SGCD: variants seen among roughly 807,000 people sequenced by gnomAD.
The protein encoded by SGCD is delta-sarcoglycan.
A neutral mutation model predicts 36.6 loss-of-function variants in SGCD; 18 were observed. That is an observed-to-expected ratio of 0.49 (90% CI 0.34 to 0.73). SGCD has a LOEUF of 0.73. SGCD is among the 30% of genes least tolerant of loss of function. SGCD has a pLI of 0.01. For missense variants in SGCD, 387 were observed against 346.7 expected, an observed-to-expected ratio of 1.12 and a Z score of -0.92; for synonymous variants, 133 against 130.6, an observed-to-expected ratio of 1.02 and a Z score of -0.12.
intron 1 of SGCD, among the ~76,000 whole-genome samples, chr5:156,102,905 A>T (rs116170697): frequency 6.6e-6 from 1 of 152,326 alleles, no homozygotes; most frequent in African/African-American, 2.4e-5. Context: ...ATTGACATAC[A>T]TATTTTTTCT....
At chr5:156,538,467 A>G (rs1758211666) in intron 4 of SGCD, among the ~76,000 whole-genome samples, 1 of 152,098 alleles carries the variant, frequency 6.6e-6, no homozygotes, top group African/African-American at 2.4e-5. Context: ...TGCAGCCATC[A>G]CAACCCCATT....
chr5:155,730,233 C>T, the SGCD span, among the ~76,000 whole-genome samples: 1 of 152,144 alleles, frequency 6.6e-6, no homozygotes, highest in Admixed American at 6.5e-5. Flanking sequence ...TTCAGGTGTG[C>T]CAAGTGCAAA....
the SGCD span, among the ~76,000 whole-genome samples, chr5:155,813,161 G>A: frequency 2.6e-5 from 4 of 152,016 alleles, no homozygotes; most frequent in South Asian, 8.3e-4. Flanking sequence ...GATGCGAGAG[G>A]AGGTTAGACA....
intron 3 of SGCD, among the ~76,000 whole-genome samples, chr5:156,241,318 C>CAGTTGAA (rs1257430405): frequency 6.7e-6 from 1 of 149,746 alleles, no homozygotes; most frequent in East Asian, 2.0e-4. Context: ...TAGTTAGAAC[C>CAGTTGAA]AGTTGAAAGT....
chr5:156,185,542 C>A (rs1053003212), intron 3 of SGCD, among the ~76,000 whole-genome samples: 1 of 151,694 alleles, frequency 6.6e-6, no homozygotes, highest in Non-Finnish European at 1.5e-5. Flanking sequence ...CCTCTGTATC[C>A]CCCTCCTTTT....
intron 7 of SGCD, among the ~76,000 whole-genome samples, chr5:156,684,655 C>T (rs942174146): frequency 3.3e-5 from 5 of 152,204 alleles, no homozygotes; most frequent in African/African-American, 1.2e-4. Context: ...ATTGTATTTC[C>T]ATGCTGAGTT....
At position 156,724,566 on chromosome 5, in the gene SGCD, C is replaced by G. The variant is rs376186638; in HGVS notation, c.576-33015C>G. Among the ~76,000 whole-genome samples the G allele has an allele frequency of 5.3e-5, 8 of 152,016 alleles. No homozygotes were observed. In the East Asian group the frequency reaches 9.7e-4, roughly 18 times the overall value. On this transcript the variant is annotated intron_variant, in intron 7 of 8. Transcript: ENST00000337851. ...AGCTTGCAGTGAGCCAAGATCTCGC[C>G]TCTGCACTCCAGCCTGGGTGACAGA...
At chr5:156,483,465 G>A (rs1250085714) in intron 3 of SGCD, among the ~76,000 whole-genome samples, 1 of 152,194 alleles carries the variant, frequency 6.6e-6, no homozygotes, top group Non-Finnish European at 1.5e-5. Context: ...GGGCATACTT[G>A]CAGTCAATGC....
At chr5:156,586,281 A>T (rs971629535) in intron 4 of SGCD, among the ~76,000 whole-genome samples, 5 of 152,140 alleles carry the variant, frequency 3.3e-5, no homozygotes. Context: ...TTAGATGGGG[A>T]TTATGGATGT....
intron 3 of SGCD, among the ~76,000 whole-genome samples, chr5:156,213,089 G>A (rs1764486819): frequency 6.6e-6 from 1 of 151,676 alleles, no homozygotes; most frequent in African/African-American, 2.4e-5. Context: ...ATATCTCAAG[G>A]AACTAGAAAA....
intron 1 of SGCD, among the ~76,000 whole-genome samples, chr5:156,089,732 T>A (rs974197495): frequency 1.3e-5 from 2 of 152,244 alleles, no homozygotes; most frequent in Admixed American, 1.3e-4. Context: ...TTGGGATTAT[T>A]CTTACTGCAT....
chr5:156,254,488 G>A (rs1370083676), intron 3 of SGCD, among the ~76,000 whole-genome samples: 1 of 152,150 alleles, frequency 6.6e-6, no homozygotes, highest in African/African-American at 2.4e-5. Context: ...TCCTGTATAT[G>A]AGTGTTACAT....
At chr5:156,349,895 A>G (rs907861282) in intron 3 of SGCD, among the ~76,000 whole-genome samples, 3 of 152,098 alleles carry the variant, frequency 2.0e-5, no homozygotes, top group Non-Finnish European at 4.4e-5. Flanking sequence ...TACATACACC[A>G]TCAGCCATAA....
At chr5:155,866,282 A>G (rs1204601889), upstream of SGCD, among the ~76,000 whole-genome samples, 2 of 152,174 alleles carry the variant, frequency 1.3e-5, no homozygotes, top group Admixed American at 6.5e-5. Flanking sequence ...GGTGAAGAAT[A>G]CAATGATCCC....
At chr5:156,352,102 A>G (rs1300828998) in intron 3 of SGCD, among the ~76,000 whole-genome samples, 2 of 152,194 alleles carry the variant, frequency 1.3e-5, no homozygotes, top group South Asian at 2.1e-4. Flanking sequence ...AGTGCATTCT[A>G]CCAGCCCAAT....
At chr5:156,243,598 T>C (rs556390154) in intron 3 of SGCD, among the ~76,000 whole-genome samples, 15 of 152,346 alleles carry the variant, frequency 9.8e-5, no homozygotes, top group African/African-American at 3.1e-4. Flanking sequence ...TCTACTGAGA[T>C]AGCACGGAAA....
chr5:155,974,316 A>G (rs138101510), intron 1 of SGCD, among the ~76,000 whole-genome samples: 1 of 152,252 alleles, frequency 6.6e-6, no homozygotes, highest in Non-Finnish European at 1.5e-5. Context: ...GATAAAATGC[A>G]ACTACTACAA....
intron 4 of SGCD, among the ~76,000 whole-genome samples, chr5:156,538,540 A>G (rs1758215060): frequency 1.3e-5 from 2 of 152,114 alleles, no homozygotes; most frequent in South Asian, 4.1e-4. Flanking sequence ...GCAGGTATTT[A>G]GCAAGTTTGT....
At chr5:156,444,136 CT>C (rs1753652160) in intron 3 of SGCD, among the ~76,000 whole-genome samples, 1 of 124,296 alleles carries the variant, frequency 8.0e-6, no homozygotes, top group Non-Finnish European at 1.8e-5. Context: ...CTCTCTCTCT[CT>C]CCTTCCCTTT....
Sources: gnomAD v4.1 joint callset for allele counts (sites outside exome capture counted in the v4.1 genomes callset) on GRCh38, gnomAD v4.1.1 for gene constraint, MANE v1.5 for transcripts, NCBI Gene and HGNC (gene_info 2026-07-23, HGNC 2026-07-21) for gene names.